Variants in PTPRN2 observed in about 807,000 individuals in gnomAD.
PTPRN2 encodes receptor-type tyrosine-protein phosphatase N2.
PTPRN2 carries 74 observed loss-of-function variants against 118.8 expected under a neutral mutation model. The observed-to-expected ratio is 0.62, with a 90% CI of 0.52 to 0.76. The LOEUF (loss-of-function observed/expected upper bound fraction) is 0.76. Among genes scored for constraint, PTPRN2 ranks in the 30% least tolerant of loss-of-function variants. The pLI is 0.00. For synonymous variants in PTPRN2, 641 were observed against 608.0 expected (o/e 1.05, Z -0.80); for missense variants, 1,481 against 1,394.4 (o/e 1.06, Z -0.99).
At chr7:158,013,396 TCATC>T (rs1194782004) in intron 11 of PTPRN2, among the ~76,000 whole-genome samples, 1 of 152,014 alleles carries the variant, frequency 6.6e-6, no homozygotes, top group Non-Finnish European at 1.5e-5. Flanking sequence ...ATCCTTCCAT[TCATC>T]CATCCATTTC....
rs548861737 is a variant in PTPRN2 at position 157,861,868 on chromosome 7, A to C, written c.1788+36805T>G. 1.8e-3 allele frequency among the ~76,000 whole-genome samples: 269 copies of C among 151,718 alleles called. No homozygotes were observed. The highest frequency in any genetic ancestry group is 6.2e-3 in the African/African-American group (255 of 41,304). ...ATGCTTCGAGGACTCTGTGTGCCGG[A>C]GTCTGTCCTCCCCATCACAGGGACA... is the stretch of plus-strand genomic sequence containing the variant. On this transcript the variant is annotated intron_variant, in intron 12 of 22. Coordinates refer to ENST00000389418, the MANE Select transcript of PTPRN2 (RefSeq NM_002847.5). The surrounding 1 kb of genome is among the most constrained non-coding windows in gnomAD (Gnocchi z 5.8).
At chr7:157,795,191 C>T (rs533718387) in intron 12 of PTPRN2, among the ~76,000 whole-genome samples, 2 of 151,314 alleles carry the variant, frequency 1.3e-5, no homozygotes, top group South Asian at 4.2e-4. Context: ...GCTAAAAGCC[C>T]CTCACCTGTG....
At chr7:158,191,615 T>C (rs747751220) in intron 5 of PTPRN2, among the ~76,000 whole-genome samples, 2 of 152,154 alleles carry the variant, frequency 1.3e-5, no homozygotes, top group African/African-American at 2.4e-5. Flanking sequence ...ATTTACAAAA[T>C]TTACTGAGAT....
chr7:158,414,662 C>T (rs1026424181), intron 2 of PTPRN2, among the ~76,000 whole-genome samples: 1 of 152,228 alleles, frequency 6.6e-6, no homozygotes, highest in African/African-American at 2.4e-5. Context: ...CCGAGGTCCT[C>T]GATCTGGCAT....
chr7:157,717,464 A>G (rs1798980662), intron 12 of PTPRN2, among the ~76,000 whole-genome samples: 1 of 152,254 alleles, frequency 6.6e-6, no homozygotes, highest in South Asian at 2.1e-4. Flanking sequence ...ACTTAGTCAA[A>G]GGCTAAGCCT....
At chr7:157,889,206 G>GT (rs1404237594) in intron 12 of PTPRN2, among the ~76,000 whole-genome samples, 1 of 151,974 alleles carries the variant, frequency 6.6e-6, no homozygotes, top group Non-Finnish European at 1.5e-5. Context: ...AGTTGGGACC[G>GT]TGACAGGATG....
At chr7:157,752,485 C>T (rs550364898) in intron 12 of PTPRN2, among the ~76,000 whole-genome samples, 9 of 152,332 alleles carry the variant, frequency 5.9e-5, no homozygotes, top group South Asian at 2.1e-4. Context: ...GCGACTGGTG[C>T]GCGGTGTGGC....
At chr7:157,854,474 T>C (rs576378154) in intron 12 of PTPRN2, 1 of 152,338 alleles carries the variant, frequency 6.6e-6, no homozygotes, top group East Asian at 1.9e-4. Context: ...ACTGCCCTTG[T>C]GGTTGAGCAA....
chr7:157,853,992 T>G (rs570607367), intron 12 of PTPRN2, among the ~76,000 whole-genome samples: 3 of 152,284 alleles, frequency 2.0e-5, no homozygotes, highest in African/African-American at 7.2e-5. Context: ...GAGAGAGATC[T>G]GGGACAGATT....
rs1315039498 is a variant in PTPRN2 at position 158,341,847 on chromosome 7, C to T, written c.164-24915G>A. On this transcript the variant is annotated intron_variant, in intron 2 of 22. Coordinates refer to ENST00000389418, the MANE Select transcript of PTPRN2 (RefSeq NM_002847.5). ...AGCAGACGTCACTCACACCCACACTCTCACCATAAGAGTGTGCCCCGCAGG... is the reference window on the plus strand; with the variant it reads ...AGCAGACGTCACTCACACCCACACTTTCACCATAAGAGTGTGCCCCGCAGG... Among the ~76,000 whole-genome samples the T allele has an allele frequency of 7.7e-5, 3 of 38,898 alleles. 1 individual carries two copies. The highest frequency in any genetic ancestry group is 1.6e-4 in the Non-Finnish European group (3 of 19,110). The allele number at this position is 38,898 out of a possible 152,430, so 25.5% of individuals were successfully genotyped here.
chr7:157,814,591 G>A (rs1806275032), intron 12 of PTPRN2, among the ~76,000 whole-genome samples: 1 of 150,910 alleles, frequency 6.6e-6, no homozygotes, highest in South Asian at 2.1e-4. Context: ...GGGGCAGGAG[G>A]GGGCAGGGAG....
chr7:158,556,482 G>T (rs1291291674), intron 1 of PTPRN2, among the ~76,000 whole-genome samples: 1 of 151,882 alleles, frequency 6.6e-6, no homozygotes, highest in Non-Finnish European at 1.5e-5. Flanking sequence ...TGAACTGGGA[G>T]GCGGAAGTTG....
At chr7:158,108,390 C>G (rs974605011) in intron 10 of PTPRN2, among the ~76,000 whole-genome samples, 7 of 152,140 alleles carry the variant, frequency 4.6e-5, no homozygotes, top group African/African-American at 1.7e-4. Context: ...TGTGTTCACC[C>G]TGTAGGGTCC....
At chr7:158,071,583 C>CCCGTGG (rs1554528515) in intron 11 of PTPRN2, among the ~76,000 whole-genome samples, 1 of 10,648 alleles carries the variant, frequency 9.4e-5, no homozygotes, top group Non-Finnish European at 1.7e-4. Context: ...GGAGGTGCTC[C>CCCGTGG]TGGTGGAGGT....
intron 9 of PTPRN2, among the ~76,000 whole-genome samples, chr7:158,122,825 C>T (rs1002485410): frequency 2.6e-5 from 4 of 151,254 alleles, no homozygotes; most frequent in South Asian, 2.1e-4. Context: ...GGGGTGAGCC[C>T]GGGGACCTGT....
At chr7:158,124,205 T>A (rs745636795) in intron 9 of PTPRN2, among the ~76,000 whole-genome samples, 1 of 152,218 alleles carries the variant, frequency 6.6e-6, no homozygotes, top group African/African-American at 2.4e-5. Flanking sequence ...AGGCACAAGT[T>A]ACATAAAGAA....
chr7:157,771,951 CACAT>C (rs1008153790), intron 12 of PTPRN2, among the ~76,000 whole-genome samples: 21 of 134,668 alleles, frequency 1.6e-4, no homozygotes, highest in Non-Finnish European at 7.6e-5. Flanking sequence ...TACAAAGACA[CACAT>C]ACAGACAGAC....
chr7:157,697,521 C>T (rs1347733111), intron 12 of PTPRN2, among the ~76,000 whole-genome samples: 5 of 131,736 alleles, frequency 3.8e-5, no homozygotes, highest in South Asian at 2.7e-4. Flanking sequence ...CACCATCTAC[C>T]CATGCATACT....
intron 12 of PTPRN2, among the ~76,000 whole-genome samples, chr7:157,765,439 C>T (rs1197641847): frequency 6.7e-6 from 1 of 149,586 alleles, no homozygotes; most frequent in African/African-American, 2.5e-5. Context: ...CTTCCTCCAT[C>T]TGTCCACCCT....
Sources: allele counts gnomAD v4.1 joint callset (sites outside exome capture counted in the v4.1 genomes callset), GRCh38; gene constraint gnomAD v4.1.1; non-coding constraint Gnocchi (gnomAD v3.1); transcripts MANE v1.5; gene names NCBI Gene and HGNC (gene_info 2026-07-23, HGNC 2026-07-21).